MYO9A: variants seen among roughly 807,000 people sequenced by gnomAD.
The protein encoded by MYO9A is unconventional myosin-IXa.
MYO9A carries 103 observed loss-of-function variants against 293.3 expected under a neutral mutation model. The observed-to-expected ratio is 0.35, with a 90% CI of 0.30 to 0.41. MYO9A has a LOEUF of 0.41. MYO9A is among the 10% of genes least tolerant of loss of function. The pLI is 1.00. For missense variants in MYO9A, 2,685 were observed against 3,033.0 expected (o/e 0.89, Z 2.69); for synonymous variants, 1,001 against 1,035.7 (o/e 0.97, Z 0.64).
chr15:71,915,410 G>T (rs947139610), intron 19 of MYO9A, among the ~76,000 whole-genome samples: 1 of 150,676 alleles, frequency 6.6e-6, no homozygotes. Context: ...TGGCTCCTTG[G>T]TCTTGCTTTT....
In MYO9A at chr15:71,880,391, G is replaced by A; in HGVS notation, c.5566C>T (p.Gln1856Ter). ...AAATCACTGACACTTGCTATGATCTGGACAGAGTCATTTTGCCAATGCATA... is the reference window on the plus strand; with the variant it reads ...AAATCACTGACACTTGCTATGATCTAGACAGAGTCATTTTGCCAATGCATA... ...DSMHWQNDSV[Q>*]IIASVSDLKS... The change falls in exon 29 of 42, where the codon CAG (glutamine) becomes TAG (stop). Residue 1856 changes from glutamine (Q) to a stop codon, truncating the protein, a stop_gained. Transcript: ENST00000356056. LOFTEE classifies it high-confidence loss of function. 1.2e-6 allele frequency: 2 copies of A among 1,614,164 alleles called. No homozygotes were observed. The highest frequency in any genetic ancestry group is 1.7e-6 in the Non-Finnish European group (2 of 1,180,014).
intron 14 of MYO9A, among the ~76,000 whole-genome samples, chr15:71,954,614 T>C (rs1445395674): frequency 6.6e-6 from 1 of 152,248 alleles, no homozygotes; most frequent in African/African-American, 2.4e-5. Flanking sequence ...ACACATAGTA[T>C]AAATTCAGAC....
At position 71,900,003 on chromosome 15, in the gene MYO9A, A is replaced by G; in HGVS notation, c.3154T>C (p.Phe1052Leu). The G allele has an allele frequency of 6.2e-7, 1 of 1,605,658 alleles. No homozygotes were observed. Among genetic ancestry groups the G allele is most frequent in the Non-Finnish European group, 8.5e-7 (1 of 1,173,282 alleles). The change falls in exon 24 of 42, where the codon TTC becomes CTC. Residue 1052 changes from phenylalanine (F) to leucine (L), a missense_variant. Phe to Leu is a conservative substitution (Grantham distance 22). Coordinates refer to ENST00000356056, the MANE Select transcript of MYO9A (RefSeq NM_006901.4). Reference protein sequence around the residue: ...LRQASVIIQRFWRNYLNQKQV... With the variant: ...LRQASVIIQRLWRNYLNQKQV... ...TTCTGATTTAGGTAATTCCTCCAGA[A>G]TCTCTATGGGGAAGACAAAATAACA...
In MYO9A at chr15:72,094,314, T is replaced by C. The variant is rs1482257211; in HGVS notation, c.-72+23366A>G. On this transcript the variant is annotated intron_variant, in intron 1 of 41. Coordinates refer to ENST00000356056, the MANE Select transcript of MYO9A (RefSeq NM_006901.4). The stretch of plus-strand genomic sequence containing the variant: ...TAAGAGTAAGAAAATCTAACATATA[T>C]AGACATACCTCATTTTATCGCACTT... 2.2e-5 allele frequency among the ~76,000 whole-genome samples: 2 copies of C among 89,578 alleles called. 1 individual carries two copies. Among genetic ancestry groups the C allele is most frequent in the Admixed American group, 2.5e-4 (2 of 8,038 alleles). 58.8% of individuals were successfully genotyped at this position (89,578 alleles called of 152,430 possible). A position where few individuals can be genotyped will look rare whatever the true frequency, so the allele number is the denominator to read the frequency against.
At chr15:71,917,225 T>C (rs966683697) in intron 18 of MYO9A, among the ~76,000 whole-genome samples, 2 of 152,154 alleles carry the variant, frequency 1.3e-5, no homozygotes, top group Non-Finnish European at 2.9e-5. Flanking sequence ...CGACAGTCGG[T>C]GTGCCAGGGA....
chr15:72,010,805 G>A (rs528086695), intron 6 of MYO9A, among the ~76,000 whole-genome samples: 12 of 152,092 alleles, frequency 7.9e-5, no homozygotes, highest in African/African-American at 2.4e-4. Flanking sequence ...AAGCATTTAC[G>A]GGCGCTCAAT....
At chr15:72,088,156 G>A (rs1180447300) in intron 1 of MYO9A, among the ~76,000 whole-genome samples, 1 of 152,160 alleles carries the variant, frequency 6.6e-6, no homozygotes, top group Non-Finnish European at 1.5e-5. Flanking sequence ...CAGGAGTGTA[G>A]GAAAATAAAT....
chr15:71,986,080 C>G (rs1404425155), intron 11 of MYO9A, among the ~76,000 whole-genome samples: 1 of 152,084 alleles, frequency 6.6e-6, no homozygotes, highest in Non-Finnish European at 1.5e-5. Context: ...GCAAAAGTTT[C>G]CACATTTGTA....
At position 72,014,726 on chromosome 15, in the gene MYO9A, GAAGA is replaced by G. The variant is rs890727839; in HGVS notation, c.1156-4283_1156-4280del. The stretch of plus-strand genomic sequence containing the variant: ...AAAAGGAAAAGAAAAGAAAAGAAGA[GAAGA>G]GAGAGAGAGAGAAAGAAAGGAAAGA... On this transcript the variant is annotated intron_variant, in intron 6 of 41. Coordinates refer to ENST00000356056, the MANE Select transcript of MYO9A (RefSeq NM_006901.4). Among the ~76,000 whole-genome samples the G allele has an allele frequency of 3.6e-5, 5 of 137,186 alleles. No homozygotes were observed. In the South Asian group the frequency reaches 7.0e-4, roughly 19 times the overall value. 90.0% of individuals were successfully genotyped at this position (137,186 alleles called of 152,430 possible).
intron 6 of MYO9A, among the ~76,000 whole-genome samples, chr15:72,013,589 C>A (rs566218263): frequency 1.1e-4 from 16 of 152,308 alleles, no homozygotes; most frequent in Admixed American, 2.0e-4. Flanking sequence ...ACATTCCCCC[C>A]ACAAACATAC....
At chr15:71,925,030 T>A (rs1335890475) in intron 18 of MYO9A, among the ~76,000 whole-genome samples, 2 of 152,094 alleles carry the variant, frequency 1.3e-5, no homozygotes, top group Non-Finnish European at 2.9e-5. Context: ...TTTAACTCTA[T>A]CGTTCTTTGC....
intron 39 of MYO9A, among the ~76,000 whole-genome samples, chr15:71,835,629 T>C (rs1275388584): frequency 6.6e-6 from 1 of 152,180 alleles, no homozygotes; most frequent in Non-Finnish European, 1.5e-5. Flanking sequence ...GCTAATGATC[T>C]ACATGAATGA....
chr15:72,107,775 CTTAT>C (rs1402236548), intron 1 of MYO9A, among the ~76,000 whole-genome samples: 1 of 137,238 alleles, frequency 7.3e-6, no homozygotes, highest in Admixed American at 7.9e-5. Flanking sequence ...TCCCACTGTC[CTTAT>C]TTGAGACAAT....
intron 9 of MYO9A, 75 bp from the exon 10 acceptor site, chr15:71,994,660 C>A: frequency 1.3e-6 from 1 of 768,644 alleles, no homozygotes; most frequent in Non-Finnish European, 2.0e-6. Flanking sequence ...TGTTTGCTCC[C>A]ATTCAAGAAA....
At chr15:71,942,083 T>C (rs1009862309) in intron 15 of MYO9A, among the ~76,000 whole-genome samples, 18 of 151,998 alleles carry the variant, frequency 1.2e-4, no homozygotes, top group African/African-American at 4.3e-4. Flanking sequence ...TATATAATCA[T>C]ATAAATTAAA....
intron 18 of MYO9A, among the ~76,000 whole-genome samples, chr15:71,930,397 T>G (rs1271264116): frequency 6.6e-6 from 1 of 152,210 alleles, no homozygotes; most frequent in East Asian, 1.9e-4. Flanking sequence ...TGGGTGCATA[T>G]ATATTTAAAA....
intron 8 of MYO9A, among the ~76,000 whole-genome samples, chr15:72,001,738 C>G (rs994632357): frequency 6.6e-6 from 1 of 152,128 alleles, no homozygotes; most frequent in South Asian, 2.1e-4. Flanking sequence ...ATTCACTGAT[C>G]AACTCTCAAA....
chr15:71,972,846 G>A (rs186419017), intron 12 of MYO9A, among the ~76,000 whole-genome samples: 34 of 152,026 alleles, frequency 2.2e-4, no homozygotes, highest in Non-Finnish European at 4.4e-4. Context: ...TGCTATGCTC[G>A]GTTATTAAAG....
chr15:72,091,517 T>C (rs897965974), intron 1 of MYO9A, among the ~76,000 whole-genome samples: 2 of 152,120 alleles, frequency 1.3e-5, no homozygotes, highest in Non-Finnish European at 2.9e-5. Context: ...AGATCATAAA[T>C]AAGCTTCTGA....
Sources: allele counts gnomAD v4.1 joint callset (sites outside exome capture counted in the v4.1 genomes callset), GRCh38; gene constraint gnomAD v4.1.1; transcripts MANE v1.5; gene names NCBI Gene and HGNC (gene_info 2026-07-23, HGNC 2026-07-21).